The following DYNC2H1 variants were observed in gnomAD, a reference collection of about 807,000 sequenced individuals.
DYNC2H1 encodes the protein dynein cytoplasmic 2 heavy chain 1.
DYNC2H1 carries 410 observed loss-of-function variants against 570.0 expected under a neutral mutation model. The observed-to-expected ratio is 0.72, with a 90% confidence interval of 0.66 to 0.78. The LOEUF (loss-of-function observed/expected upper bound fraction) is 0.78. Ranked by LOEUF, DYNC2H1 falls within the 30% of genes least tolerant of loss-of-function variation. DYNC2H1 has a pLI of 0.00. For synonymous variants in DYNC2H1, 1,688 were observed against 1,677.6 expected, an observed-to-expected ratio of 1.01 and a Z score of -0.15; for missense variants, 4,865 against 5,046.4, an observed-to-expected ratio of 0.96 and a Z score of 1.09.
Position 103,241,445 on chromosome 11 carries a change from C to A in DYNC2H1, c.9820-2248C>A. The A allele has an allele frequency of 8.0e-7, 1 of 1,253,812 alleles. No homozygotes were observed. The highest frequency in any genetic ancestry group is 1.1e-6 in the Non-Finnish European group (1 of 880,190). The allele number at this position is 1,253,812 out of a possible 1,614,324, so 77.7% of individuals were successfully genotyped here. A position where few individuals can be genotyped will look rare whatever the true frequency, so the allele number is the denominator to read the frequency against. ...TAAGATGACAACAAACTTTTAAGTA[C>A]CCTTTGAAAAACTTAAGCATGTTTT... is the stretch of plus-strand genomic sequence containing the variant. On this transcript the variant is annotated intron_variant, in intron 63 of 88. Transcript: ENST00000375735. This position sits in a 1 kb window ranked among gnomAD's most constrained non-coding sequence, Gnocchi z 5.1.
chr11:103,372,569 G>A (rs1320166931), intron 83 of DYNC2H1, among the ~76,000 whole-genome samples: 1 of 152,038 alleles, frequency 6.6e-6, no homozygotes, highest in Non-Finnish European at 1.5e-5. Flanking sequence ...CATCCCTGGG[G>A]TGAATCCCAC....
chr11:103,176,210 AT>A, intron 36 of DYNC2H1, 24 bp from the exon 37 acceptor site: 1 of 1,448,858 alleles, frequency 6.9e-7, no homozygotes. Flanking sequence ...ATAATAAATA[AT>A]TTTAAAATGA....
intron 82 of DYNC2H1, among the ~76,000 whole-genome samples, chr11:103,342,465 C>T (rs182444141): frequency 1.1e-4 from 17 of 151,960 alleles, no homozygotes; most frequent in African/African-American, 2.7e-4. Context: ...TTTCACTCTT[C>T]GCAATAAATC....
rs75652166 is a variant in DYNC2H1, at chr11:103,334,189, T to A, written c.12039+10199T>A. 0.15 allele frequency among the ~76,000 whole-genome samples: 22,663 copies of A among 152,208 alleles called. 1,833 individuals carry two copies. The highest frequency in any genetic ancestry group is 0.25 in the Admixed American group (3,755 of 15,292). On this transcript the variant is annotated intron_variant, in intron 82 of 88. Transcript: ENST00000375735. The surrounding 1 kb of genome is among the most constrained non-coding windows in gnomAD (Gnocchi z 4.3). The stretch of plus-strand genomic sequence containing the variant: ...GATACAATAAAATCTTAATTTAAAA[T>A]TTTTCCATCTCTGTTAATTCCTGAG...
At chr11:103,315,155 T>C (rs7106860) in intron 79 of DYNC2H1, among the ~76,000 whole-genome samples, 25,167 of 151,928 alleles carry the variant, frequency 0.17, 2,269 homozygotes, top group Admixed American at 0.25. Context: ...CTCAGATCAA[T>C]TTTCTAGGCT....
intron 83 of DYNC2H1, among the ~76,000 whole-genome samples, chr11:103,387,885 A>G (rs1388128176): frequency 1.3e-5 from 2 of 152,174 alleles, no homozygotes; most frequent in Non-Finnish European, 2.9e-5. Flanking sequence ...TATCAGTACC[A>G]TGCTGTTTTG....
At chr11:103,338,422 A>G (rs1005446518) in intron 82 of DYNC2H1, among the ~76,000 whole-genome samples, 1 of 152,026 alleles carries the variant, frequency 6.6e-6, no homozygotes, top group African/African-American at 2.4e-5. Context: ...TGTCATTGAT[A>G]TTTTGGTAGG....
At chr11:103,288,711 G>GAAAAA (rs1866459449) in intron 75 of DYNC2H1, among the ~76,000 whole-genome samples, 1 of 74,232 alleles carries the variant, frequency 1.3e-5, no homozygotes, top group East Asian at 4.2e-4. Context: ...AAAAAAAAAA[G>GAAAAA]AAAAGAAAGT....
intron 50 of DYNC2H1, among the ~76,000 whole-genome samples, chr11:103,200,623 C>T (rs1005313800): frequency 6.6e-6 from 1 of 152,020 alleles, no homozygotes; most frequent in Non-Finnish European, 1.5e-5. Context: ...GGTTGTATAA[C>T]TATATAATAG....
chr11:103,279,648 C>T (rs1866053736), intron 70 of DYNC2H1, among the ~76,000 whole-genome samples: 1 of 138,972 alleles, frequency 7.2e-6, no homozygotes, highest in Admixed American at 7.0e-5. Context: ...CCTTTGATAA[C>T]TCTCATTCTA....
chr11:103,134,003 C>T (rs1281824939), intron 14 of DYNC2H1, among the ~76,000 whole-genome samples: 2 of 152,014 alleles, frequency 1.3e-5, no homozygotes, highest in Non-Finnish European at 2.9e-5. Context: ...TGTTGAGTCT[C>T]TTTAGCCTCC....
chr11:103,342,204 G>A (rs1230553577), intron 82 of DYNC2H1, among the ~76,000 whole-genome samples: 1 of 93,420 alleles, frequency 1.1e-5, no homozygotes, highest in African/African-American at 3.8e-5. Flanking sequence ...TGTGTAAAAA[G>A]GGTACCAATT....
chr11:103,440,292 G>A (rs563501), intron 85 of DYNC2H1, among the ~76,000 whole-genome samples: 89,874 of 151,990 alleles, frequency 0.59, 28,146 homozygotes, highest in African/African-American at 0.8. Context: ...GCTTCCATTG[G>A]AAAGCAAACT....
chr11:103,424,805 T>C (rs1457384324), intron 84 of DYNC2H1, among the ~76,000 whole-genome samples: 2 of 152,006 alleles, frequency 1.3e-5, no homozygotes, highest in Non-Finnish European at 2.9e-5. Flanking sequence ...GTTACCAATA[T>C]AAGGTCAATG....
At chr11:103,459,038 G>A (rs905506795) in intron 87 of DYNC2H1, among the ~76,000 whole-genome samples, 28 of 151,632 alleles carry the variant, frequency 1.8e-4, no homozygotes, top group African/African-American at 5.3e-4. Flanking sequence ...GGCCGGGCGC[G>A]GTGGCTCACG....
Position 103,186,344 on chromosome 11 carries a change from C to T in DYNC2H1, c.6736C>T (p.Pro2246Ser), listed in dbSNP as rs1370596843. The T allele has an allele frequency of 1.2e-6, 2 of 1,612,720 alleles. No individual in the cohort carries two copies. The highest frequency in any genetic ancestry group is 4.5e-5 in the East Asian group (2 of 44,796). Residue 2246 changes from proline to serine, a missense_variant, in exon 42 of 89, where the codon CCA (proline) becomes TCA (serine). Physicochemically the swap from Pro to Ser is moderately conservative, Grantham distance 74 (BLOSUM62 -1). Coordinates refer to ENST00000375735, the MANE Select transcript of DYNC2H1 (RefSeq NM_001377.3). The surrounding 1 kb of genome is among the most constrained non-coding windows in gnomAD (Gnocchi z 4.5). ...ATTAGCAACATATGTGCTTAAGAAG[C>T]CAGAAGACTTGACTGCTGATGATTT... ...GRLATYVLKK[P>S]EDLTADDFSN...
rs758429892 is a variant in DYNC2H1 at position 103,135,757 on chromosome 11, A to G, written c.2383A>G (p.Ile795Val). 2.5e-6 allele frequency: 4 copies of G among 1,611,562 alleles called. No homozygotes were observed. The highest frequency in any genetic ancestry group is 3.4e-6 in the Non-Finnish European group (4 of 1,178,634). The change falls in exon 17 of 89, where the codon ATC becomes GTC. Residue 795 changes from isoleucine (I) to valine (V), a missense_variant. Ile to Val is a conservative substitution (Grantham distance 29, BLOSUM62 3). This residue lies in a region of DYNC2H1 where 1,936 missense variants were observed against 1,962.1 expected (regional missense o/e 0.99). Coordinates refer to ENST00000375735, the MANE Select transcript of DYNC2H1 (RefSeq NM_001377.3). The part of the protein sequence containing the change: ...RLQFRPPFEE[I>V]RAKYYREMKR... ...ACAATTCAGGCCCCCTTTTGAAGAA[A>G]TCCGGGCTAAATATTATAGAGAAAT...
At chr11:103,152,878 T>C (rs1860634474) in intron 21 of DYNC2H1, among the ~76,000 whole-genome samples, 1 of 152,196 alleles carries the variant, frequency 6.6e-6, no homozygotes, top group Non-Finnish European at 1.5e-5. Flanking sequence ...ACTGCACTCA[T>C]ATTTTATCAA....
intron 58 of DYNC2H1, among the ~76,000 whole-genome samples, chr11:103,222,659 AAAC>A (rs1482753184): frequency 3.3e-5 from 5 of 152,200 alleles, no homozygotes; most frequent in African/African-American, 7.2e-5. Flanking sequence ...ATTGATGCTC[AAAC>A]ATTGTTGTGG....
Sources: allele counts gnomAD v4.1 joint callset (sites outside exome capture counted in the v4.1 genomes callset), GRCh38; gene constraint gnomAD v4.1.1; regional missense constraint gnomAD v4.1.1; non-coding constraint Gnocchi (gnomAD v3.1); transcripts MANE v1.5; gene names NCBI Gene and HGNC (gene_info 2026-07-23, HGNC 2026-07-21).